SDAD1: variants seen among roughly 807,000 people sequenced by gnomAD.
The protein encoded by SDAD1 is protein SDA1 homolog.
Under a neutral mutation model 100.3 loss-of-function variants are expected in SDAD1, and 79 were observed. That is an observed-to-expected ratio of 0.79 (90% CI 0.66 to 0.95). The LOEUF (loss-of-function observed/expected upper bound fraction) is 0.95. SDAD1 is among the 40% of genes least tolerant of loss of function. The probability of loss-of-function intolerance (pLI) is 0.00; values close to 1 mark genes in which losing one functional copy is unlikely to be tolerated. For synonymous variants in SDAD1, 267 were observed against 271.4 expected (o/e 0.98, Z 0.16); for missense variants, 790 against 810.9 (o/e 0.97, Z 0.31).
chr4:75,955,279 T>A (rs1358387792), intron 21 of SDAD1, among the ~76,000 whole-genome samples: 2 of 152,174 alleles, frequency 1.3e-5, no homozygotes, highest in Non-Finnish European at 2.9e-5. Flanking sequence ...CCACTCTCAC[T>A]AAACTTAATA....
intron 1 of SDAD1, among the ~76,000 whole-genome samples, chr4:75,986,305 C>A (rs910906928): frequency 6.6e-6 from 1 of 152,044 alleles, no homozygotes; most frequent in Non-Finnish European, 1.5e-5. Flanking sequence ...CCTGCGTGTA[C>A]TCCAGCAATC....
At chr4:75,967,187 C>T (rs1729595517) in intron 12 of SDAD1, 90 bp downstream of exon 12, 3 of 1,237,998 alleles carry the variant, frequency 2.4e-6, no homozygotes, top group Non-Finnish European at 3.6e-6. Context: ...GCACACTGCA[C>T]TCCTGTCTTT....
At position 75,974,087 on chromosome 4, in the gene SDAD1, T is replaced by C; in HGVS notation, c.625A>G (p.Lys209Glu). 3.1e-6 allele frequency: 5 copies of C among 1,613,578 alleles called. No homozygotes were observed. The highest frequency in any genetic ancestry group is 1.7e-5 in the Admixed American group (1 of 60,002). The stretch of plus-strand genomic sequence containing the variant: ...CTATAGGTGCTCACCTTGGTGACCT[T>C]AGAGAAACATGCAGTTGTGATAACA... ...VNVITTACFS[K>E]VTKILVAALT... The change falls in exon 7 of 22, where the codon AAG (lysine) becomes GAG (glutamate). Residue 209 changes from lysine to glutamate, a missense_variant. Coordinates refer to ENST00000356260, the MANE Select transcript of SDAD1 (RefSeq NM_018115.4).
chr4:75,966,600 G>A (rs1055545841), intron 12 of SDAD1, among the ~76,000 whole-genome samples: 3 of 152,114 alleles, frequency 2.0e-5, no homozygotes, highest in Non-Finnish European at 4.4e-5. Flanking sequence ...CTGCTTTTGT[G>A]TTGTTTTTCA....
chr4:75,980,728 T>C (rs1205727005), intron 3 of SDAD1: 1 of 152,844 alleles, frequency 6.5e-6, no homozygotes, highest in East Asian at 1.9e-4. Context: ...TGGGCTTTTG[T>C]ACCACATGAT....
At chr4:75,979,333 G>A (rs1730353753) in intron 3 of SDAD1, among the ~76,000 whole-genome samples, 1 of 152,124 alleles carries the variant, frequency 6.6e-6, no homozygotes, top group Non-Finnish European at 1.5e-5. Flanking sequence ...AGATAGCCCA[G>A]TGGCTGATAA....
intron 1 of SDAD1, among the ~76,000 whole-genome samples, chr4:75,985,873 T>C (rs1730861826): frequency 6.6e-6 from 1 of 152,194 alleles, no homozygotes; most frequent in Admixed American, 6.5e-5. Context: ...CACAGTCCAC[T>C]AAGCCTACTA....
At chr4:75,988,184 C>T (rs1369159636) in intron 1 of SDAD1, among the ~76,000 whole-genome samples, 1 of 152,214 alleles carries the variant, frequency 6.6e-6, no homozygotes, top group African/African-American at 2.4e-5. Context: ...TACAGTCTAT[C>T]CTCAAGTAAC....
chr4:75,990,642 C>G (rs1447297178), intron 1 of SDAD1, 110 bp downstream of exon 1: 1 of 1,600,364 alleles, frequency 6.2e-7, no homozygotes, highest in Non-Finnish European at 8.5e-7. Context: ...CTGAACCTAA[C>G]AGAAGAATAG....
intron 16 of SDAD1, among the ~76,000 whole-genome samples, chr4:75,960,698 T>C (rs1415849968): frequency 6.6e-6 from 1 of 152,204 alleles, no homozygotes; most frequent in Non-Finnish European, 1.5e-5. Flanking sequence ...TTGAAAGAGG[T>C]AGTATCTGGC....
intron 17 of SDAD1, among the ~76,000 whole-genome samples, chr4:75,959,658 G>A (rs550691917): frequency 2.0e-5 from 3 of 152,008 alleles, no homozygotes; most frequent in South Asian, 2.1e-4. Flanking sequence ...AAGAATACAC[G>A]ACTCTGGAAA....
chr4:75,971,366 T>C lies in SDAD1; in HGVS notation c.804A>G (p.Lys268=). 1 of 1,612,436 alleles carries C rather than the reference T, an allele frequency of 6.2e-7. No individual in the cohort carries two copies. The highest frequency in any genetic ancestry group is 1.1e-5 in the South Asian group (1 of 91,028). ...CAGATACAAGTCCCACCTTGAGCAC[T>C]TTCATTGCCTTTTCCAACTTTTTCT... ...KNKKKLEKAM[K]VLKKQKKKKK... is the part of the protein sequence containing the mutation. The change falls in exon 9 of 22, where the codon AAA becomes AAG. Residue 268 remains lysine, a synonymous_variant. Coordinates refer to ENST00000356260, the MANE Select transcript of SDAD1 (RefSeq NM_018115.4).
At position 75,956,111 on chromosome 4, in the gene SDAD1, A is replaced by T; in HGVS notation, c.1880T>A (p.Phe627Tyr). Residue 627 changes from phenylalanine (F) to tyrosine (Y), a missense_variant, in exon 21 of 22, where the codon TTT (phenylalanine) becomes TAT (tyrosine). Transcript: ENST00000356260. The part of the protein sequence containing the change: ...AMAGKTDRKE[F>Y]VRKKTKTNPF... ...ATTTGTTTTGGTTTTCTTCCTCACA[A>T]ATTCTTTTCGGTCTGTCTTTCCAGC... 6.2e-7 allele frequency: 1 copy of T among 1,606,592 alleles called. No individual in the cohort carries two copies. The highest frequency in any genetic ancestry group is 8.5e-7 in the Non-Finnish European group (1 of 1,178,268).
intron 8 of SDAD1, 148 bp from the exon 9 acceptor site, chr4:75,971,606 C>A: frequency 1.6e-6 from 1 of 626,782 alleles, no homozygotes; most frequent in Non-Finnish European, 2.7e-6. Flanking sequence ...CGCAGTGGCT[C>A]ACGTCTGTAA....
chr4:75,978,926 C>G (rs1490934853), intron 3 of SDAD1, among the ~76,000 whole-genome samples: 4 of 130,816 alleles, frequency 3.1e-5, no homozygotes, highest in Non-Finnish European at 6.2e-5. Context: ...CTGCGGTGAG[C>G]TAAGATCGTA....
At chr4:75,983,593 T>C (rs1730682665) in intron 1 of SDAD1, among the ~76,000 whole-genome samples, 1 of 152,254 alleles carries the variant, frequency 6.6e-6, no homozygotes, top group South Asian at 2.1e-4. Flanking sequence ...ATGTCTTCTT[T>C]TGAGAAATGT....
rs551511909 is a variant in SDAD1, at chr4:75,957,283, T to C, written c.1854+42A>G. On this transcript the variant is annotated intron_variant, in intron 20 of 21. Transcript: ENST00000356260. ...AGTTCTGGCTTATGTTTCATTTTATTTGCTTTCTGTTTAAAAAACTAGGAA... is the reference window on the plus strand; with the variant it reads ...AGTTCTGGCTTATGTTTCATTTTATCTGCTTTCTGTTTAAAAAACTAGGAA... 239 of 1,528,008 alleles carry C rather than the reference T, an allele frequency of 1.6e-4. 2 individuals are homozygous for C. In the South Asian group the frequency reaches 2.1e-3, roughly 14 times the overall value. 94.7% of individuals were successfully genotyped at this position (1,528,008 alleles called of 1,614,324 possible).
At chr4:75,966,405 TG>T (rs1179500629) in intron 12 of SDAD1, among the ~76,000 whole-genome samples, 1 of 152,154 alleles carries the variant, frequency 6.6e-6, no homozygotes, top group African/African-American at 2.4e-5. Flanking sequence ...ATTTATTTGC[TG>T]AGTGACTCTA....
intron 8 of SDAD1, among the ~76,000 whole-genome samples, chr4:75,972,870 A>C (rs548029102): frequency 6.6e-6 from 1 of 152,138 alleles, no homozygotes; most frequent in South Asian, 2.1e-4. Context: ...AAATACAAAA[A>C]ATTAGCCAGG....
Sources: allele counts gnomAD v4.1 joint callset (sites outside exome capture counted in the v4.1 genomes callset), GRCh38; gene constraint gnomAD v4.1.1; transcripts MANE v1.5; gene names NCBI Gene and HGNC (gene_info 2026-07-23, HGNC 2026-07-21).